AQR: variants seen among roughly 807,000 people sequenced by gnomAD.
The protein encoded by AQR is RNA helicase aquarius.
AQR carries 61 observed loss-of-function variants against 180.5 expected under a neutral mutation model. That is an observed-to-expected ratio of 0.34 (90% CI 0.28 to 0.42). The LOEUF (loss-of-function observed/expected upper bound fraction) is 0.42. AQR is among the 10% of genes least tolerant of loss of function. The pLI is 1.00. For synonymous variants in AQR, 551 were observed against 588.8 expected (o/e 0.94, Z 0.93); for missense variants, 1,281 against 1,798.3 (o/e 0.71, Z 5.20).
At chr15:34,881,511 G>C (rs904976666) in intron 27 of AQR, among the ~76,000 whole-genome samples, 4 of 152,158 alleles carry the variant, frequency 2.6e-5, no homozygotes, top group African/African-American at 9.7e-5. Flanking sequence ...TAAAATCTAA[G>C]TTCAGATCAG....
intron 15 of AQR, among the ~76,000 whole-genome samples, chr15:34,917,052 T>C (rs1893605526): frequency 6.6e-6 from 1 of 152,200 alleles, no homozygotes; most frequent in African/African-American, 2.4e-5. Context: ...CGAAAGTAAC[T>C]ATTTTCTGAC....
At position 34,853,392 on chromosome 15, in the gene AQR, A is replaced by G. The variant is rs1428649982; in HGVS notation, c.*3400T>C. The G allele has an allele frequency of 1.3e-5, 2 of 152,226 alleles. No individual in the cohort carries two copies. Among genetic ancestry groups the G allele is most frequent in the Admixed American group, 6.5e-5 (1 of 15,282 alleles). 9.4% of individuals were successfully genotyped at this position (152,226 alleles called of 1,614,324 possible). On this transcript the variant is annotated 3_prime_UTR_variant, in exon 35 of 35. Coordinates refer to ENST00000156471, the MANE Select transcript of AQR (RefSeq NM_014691.3). ...AGATGATTTGGGGGTGGGACAGTAC[A>G]GAATTCAGAACTGATAGAAGTTATC...
chr15:34,911,158 T>TAC (rs750165077), intron 16 of AQR, among the ~76,000 whole-genome samples: 2 of 152,194 alleles, frequency 1.3e-5, no homozygotes, highest in Admixed American at 6.5e-5. Context: ...TTTATATATG[T>TAC]ACACACACAC....
At position 34,856,792 on chromosome 15, in the gene AQR, C is replaced by T. The variant is rs369939720; in HGVS notation, c.4458G>A (p.Ter1486=). The T allele has an allele frequency of 3.9e-6, 6 of 1,520,504 alleles. No homozygotes were observed. The South Asian group carries it at 8.0e-5, about 20-fold the overall frequency. 94.2% of individuals were successfully genotyped at this position (1,520,504 alleles called of 1,614,324 possible). ...DATSAPEETK[*] ...CTCCTTTAGAAGGACTACAGTTTGG[C>T]TACTTGGTCTCTTCCGGGGCAGATG... Residue 1486 remains the stop codon, a stop_retained_variant, in exon 35 of 35, where the codon TAG becomes TAA. Coordinates refer to ENST00000156471, the MANE Select transcript of AQR (RefSeq NM_014691.3).
chr15:34,860,510 G>A (rs895269715), intron 33 of AQR, among the ~76,000 whole-genome samples: 2 of 151,826 alleles, frequency 1.3e-5, no homozygotes, highest in Admixed American at 6.6e-5. Context: ...ATATAATTTT[G>A]GGCTGGTAAG....
At chr15:34,936,241 AC>A (rs1198427707) in intron 9 of AQR, among the ~76,000 whole-genome samples, 1 of 152,172 alleles carries the variant, frequency 6.6e-6, no homozygotes, top group African/African-American at 2.4e-5. Context: ...GTTTTTAATG[AC>A]CCTATTTTAA....
At chr15:34,966,452 T>C (rs2050310034) in intron 1 of AQR, among the ~76,000 whole-genome samples, 1 of 152,242 alleles carries the variant, frequency 6.6e-6, no homozygotes, top group African/African-American at 2.4e-5. Context: ...AAAATTCTTC[T>C]TGGAAATTCT....
intron 32 of AQR, among the ~76,000 whole-genome samples, chr15:34,866,571 G>A (rs1484891699): frequency 6.6e-6 from 1 of 151,984 alleles, no homozygotes; most frequent in Non-Finnish European, 1.5e-5. Context: ...TAAGAAAAAA[G>A]GTAGGGAGAG....
chr15:34,925,841 C>CAA (rs1315159778), intron 13 of AQR, among the ~76,000 whole-genome samples: 1 of 145,958 alleles, frequency 6.9e-6, no homozygotes, highest in African/African-American at 2.5e-5. Context: ...TCAAAAAAAA[C>CAA]AAAAAAAAAG....
chr15:34,860,948 G>C (rs1892662727), intron 33 of AQR, among the ~76,000 whole-genome samples: 1 of 152,058 alleles, frequency 6.6e-6, no homozygotes, highest in South Asian at 2.1e-4. Context: ...TATAAGTGTA[G>C]GTAAGGTAGT....
intron 8 of AQR, among the ~76,000 whole-genome samples, chr15:34,939,799 T>A (rs1002166042): frequency 6.6e-6 from 1 of 152,220 alleles, no homozygotes; most frequent in Non-Finnish European, 1.5e-5. Flanking sequence ...TTTGCCAGGA[T>A]CTGAGCTATG....
intron 23 of AQR, among the ~76,000 whole-genome samples, chr15:34,891,842 T>A (rs1357720846): frequency 6.6e-6 from 1 of 152,118 alleles, no homozygotes; most frequent in African/African-American, 2.4e-5. Context: ...ATGCATTATG[T>A]CCAATATGTT....
chr15:34,878,335 G>A lies in AQR; in HGVS notation c.3166-2329C>T, dbSNP rs186569184. Among the ~76,000 whole-genome samples, 291 of 135,732 alleles carry A rather than the reference G, an allele frequency of 2.1e-3. 3 individuals are homozygous for A. Among genetic ancestry groups the A allele is most frequent in the African/African-American group, 7.3e-3 (259 of 35,326 alleles). The allele number at this position is 135,732 out of a possible 152,430, so 89.0% of individuals were successfully genotyped here. A position where few individuals can be genotyped will look rare whatever the true frequency, so the allele number is the denominator to read the frequency against. ...CAAGAGGCAGAGGTTGCAGTGAGCC[G>A]AGATCACGCCATTGCACTCCAGCCT... On this transcript the variant is annotated intron_variant, in intron 27 of 34. Coordinates refer to ENST00000156471, the MANE Select transcript of AQR (RefSeq NM_014691.3).
intron 2 of AQR, among the ~76,000 whole-genome samples, chr15:34,962,987 C>G (rs989487796): frequency 9.9e-5 from 15 of 152,056 alleles, no homozygotes; most frequent in African/African-American, 3.6e-4. Flanking sequence ...AGACCTCACT[C>G]TCTTTAAGGG....
Position 34,909,673 on chromosome 15 carries a change from T to G in AQR, c.1663+462A>C, listed in dbSNP as rs542674814. On this transcript the variant is annotated intron_variant, in intron 17 of 34. Coordinates refer to ENST00000156471, the MANE Select transcript of AQR (RefSeq NM_014691.3). ...CCACAAAGTGTATGTATTTCTATTT[T>G]TTTCACCTTGGCTACTTTTATCTTT... Among the ~76,000 whole-genome samples, 48 of 152,316 alleles carry G rather than the reference T, an allele frequency of 3.2e-4. No homozygotes were observed. The South Asian group carries it at 9.1e-3, about 29-fold the overall frequency.
At chr15:34,952,310 G>C (rs546525741) in intron 4 of AQR, among the ~76,000 whole-genome samples, 1 of 152,308 alleles carries the variant, frequency 6.6e-6, no homozygotes, top group Admixed American at 6.5e-5. Flanking sequence ...CAGGATTGTT[G>C]TGAGTACTCT....
Position 34,957,330 on chromosome 15 carries a change from T to C in AQR, c.173+3444A>G, listed in dbSNP as rs538568943. Among the ~76,000 whole-genome samples, 26 of 152,210 alleles carry C rather than the reference T, an allele frequency of 1.7e-4. No homozygotes were observed. The South Asian group carries it at 3.9e-3, about 23-fold the overall frequency. The stretch of plus-strand genomic sequence containing the variant: ...TGCCACCACACCCAGCTGATTTTTG[T>C]ATTTTTAGTAGAGACGGGGTTTCAC... On this transcript the variant is annotated intron_variant, in intron 3 of 34. Coordinates refer to ENST00000156471, the MANE Select transcript of AQR (RefSeq NM_014691.3).
At chr15:34,874,911 T>C (rs1256193405) in intron 28 of AQR, 47 bp from the exon 29 acceptor site, 1 of 1,538,854 alleles carries the variant, frequency 6.5e-7, no homozygotes, top group Non-Finnish European at 8.9e-7. Flanking sequence ...ATTATCCTCT[T>C]GTCTCCAATT....
chr15:34,874,909 C>G (rs1412783649), intron 28 of AQR, 45 bp from the exon 29 acceptor site: 16 of 1,541,252 alleles, frequency 1.0e-5, no homozygotes, highest in Non-Finnish European at 1.3e-5. Flanking sequence ...CTATTATCCT[C>G]TTGTCTCCAA....
Sources: allele counts gnomAD v4.1 joint callset (sites outside exome capture counted in the v4.1 genomes callset), GRCh38; gene constraint gnomAD v4.1.1; transcripts MANE v1.5; gene names NCBI Gene and HGNC (gene_info 2026-07-23, HGNC 2026-07-21).